The following BMPR2 variants were observed in gnomAD, a reference collection of about 807,000 sequenced individuals.
The protein encoded by BMPR2 is bone morphogenetic protein receptor type-2.
BMPR2 carries 29 observed loss-of-function variants against 100.8 expected under a neutral mutation model. The ratio of observed to expected loss-of-function variants is 0.29; its 90% CI spans 0.21 to 0.39. The LOEUF (loss-of-function observed/expected upper bound fraction) is 0.39. Among genes scored for constraint, BMPR2 ranks in the 10% least tolerant of loss-of-function variants. BMPR2 has a pLI of 1.00. For synonymous variants in BMPR2, 382 were observed against 442.3 expected, an observed-to-expected ratio of 0.86 and a Z score of 1.71; for missense variants, 1,011 against 1,274.5, an observed-to-expected ratio of 0.79 and a Z score of 3.15.
intron 9 of BMPR2, among the ~76,000 whole-genome samples, chr2:202,541,426 C>T (rs1448483380): frequency 6.6e-6 from 1 of 152,042 alleles, no homozygotes; most frequent in Non-Finnish European, 1.5e-5. Context: ...GAGAGCGTTT[C>T]TTTGAAAAAA....
chr2:202,483,468 G>A (rs1000004717), intron 3 of BMPR2, among the ~76,000 whole-genome samples: 1 of 150,078 alleles, frequency 6.7e-6, no homozygotes, highest in African/African-American at 2.5e-5. Context: ...TGCAATCTCC[G>A]CCCCCCACCC....
At chr2:202,536,888 A>T (rs1043725678) in intron 9 of BMPR2, among the ~76,000 whole-genome samples, 1 of 151,614 alleles carries the variant, frequency 6.6e-6, no homozygotes, top group Non-Finnish European at 1.5e-5. Flanking sequence ...AAAAAAAAAA[A>T]AAGAAGTACT....
chr2:202,420,018 A>T (rs1040326022), intron 1 of BMPR2, among the ~76,000 whole-genome samples: 12 of 152,066 alleles, frequency 7.9e-5, no homozygotes, highest in South Asian at 2.1e-4. Flanking sequence ...TTAAAAAATT[A>T]AAAAAATCCC....
At position 202,503,848 on chromosome 2, in the gene BMPR2, A is replaced by T. The variant is rs574068891; in HGVS notation, c.419-9871A>T. ...AGCTGGGCTCCTGAGTCTGGTGGGG[A>T]CATGGAGAACCTTTATGTCTAGCTC... On this transcript the variant is annotated intron_variant, in intron 3 of 12. Transcript: ENST00000374580. This position sits in a 1 kb window ranked among gnomAD's most constrained non-coding sequence, Gnocchi z 4.0. Among the ~76,000 whole-genome samples the T allele has an allele frequency of 3.2e-3, 485 of 152,304 alleles. 2 individuals carry two copies. Among genetic ancestry groups the T allele is most frequent in the African/African-American group, 0.011 (470 of 41,574 alleles).
At position 202,518,896 on chromosome 2, in the gene BMPR2, T is replaced by C; in HGVS notation, c.696T>C (p.Phe232=). 1 of 1,614,214 alleles carries C rather than the reference T, an allele frequency of 6.2e-7. No individual in the cohort carries two copies. The highest frequency in any genetic ancestry group is 1.3e-5 in the African/African-American group (1 of 75,062). The stretch of plus-strand genomic sequence containing the variant: ...AGCGTCCAGTTGCTGTAAAAGTGTT[T>C]TCCTTTGCAAACCGTCAGAATTTTA... The part of the protein sequence containing the change: ...LDERPVAVKV[F]SFANRQNFIN... The change falls in exon 6 of 13, where the codon TTT becomes TTC. Residue 232 remains phenylalanine (F), a synonymous_variant. Coordinates refer to ENST00000374580, the MANE Select transcript of BMPR2 (RefSeq NM_001204.7).
Position 202,512,928 on chromosome 2 carries a change from G to A in BMPR2, c.419-791G>A, listed in dbSNP as rs183056699. ...GATAAGTGTAACTACCATTTATTGCGTAGATAATATATGCTTTTTTAAAAA... is the reference window on the plus strand; with the variant it reads ...GATAAGTGTAACTACCATTTATTGCATAGATAATATATGCTTTTTTAAAAA... On this transcript the variant is annotated intron_variant, in intron 3 of 12. Transcript: ENST00000374580. 6.0e-5 allele frequency among the ~76,000 whole-genome samples: 9 copies of A among 150,710 alleles called. No individual in the cohort carries two copies. The East Asian group carries it at 1.2e-3, about 20-fold the overall frequency.
intron 2 of BMPR2, 37 bp from the exon 3 acceptor site, chr2:202,467,482 A>G: frequency 2.0e-6 from 3 of 1,510,958 alleles, no homozygotes; most frequent in Non-Finnish European, 1.8e-6. Flanking sequence ...TTTCTTTATC[A>G]TATTGTCTCC....
chr2:202,534,150 A>G (rs892644737), intron 9 of BMPR2, among the ~76,000 whole-genome samples: 7 of 150,942 alleles, frequency 4.6e-5, no homozygotes, highest in African/African-American at 7.3e-5. Flanking sequence ...ATTACACATT[A>G]GTTTATATAT....
In BMPR2 at chr2:202,377,531, G is replaced by A. The variant is rs759723251; in HGVS notation, c.57G>A (p.Leu19=). 104 of 1,614,098 alleles carry A rather than the reference G, an allele frequency of 6.4e-5. No individual in the cohort carries two copies. Among genetic ancestry groups the A allele is most frequent in the Non-Finnish European group, 1.1e-5 (13 of 1,180,052 alleles). ...TGCCCTGGCTACCATGGACCATCCT[G>A]CTGGTCAGCACTGCGGCTGGTGAGT... ...WRVPWLPWTI[L]LVSTAAASQN... Residue 19 remains leucine, a synonymous_variant, in exon 1 of 13, where the codon CTG becomes CTA. Coordinates refer to ENST00000374580, the MANE Select transcript of BMPR2 (RefSeq NM_001204.7).
Position 202,388,511 on chromosome 2 carries a change from G to A in BMPR2, c.76+10961G>A, listed in dbSNP as rs7574989. Among the ~76,000 whole-genome samples, 258 of 151,332 alleles carry A rather than the reference G, an allele frequency of 1.7e-3. 2 individuals carry two copies. The highest frequency in any genetic ancestry group is 5.9e-3 in the African/African-American group (242 of 41,262). On this transcript the variant is annotated intron_variant, in intron 1 of 12. Transcript: ENST00000374580. ...CTTTTAAAAGCAAGATACGCCGGGT[G>A]CAGTGGCTCACACCTTTAATCCCAG...
At chr2:202,520,380 C>T (rs185289257) in intron 7 of BMPR2, 179 bp downstream of exon 7, 125 of 629,002 alleles carry the variant, frequency 2.0e-4, no homozygotes, top group Admixed American at 9.9e-4. Flanking sequence ...AGCTTTCCCA[C>T]GCAGCTGCCA....
chr2:202,483,039 A>AT lies in BMPR2; in HGVS notation c.418+15358dup, dbSNP rs938632989. ...CTTCACCTTCTTGCCGTCACTTGTT[A>AT]TTTTTTTTAAATAGTCGCTGTCCTA... On this transcript the variant is annotated intron_variant, in intron 3 of 12. Transcript: ENST00000374580. Among the ~76,000 whole-genome samples, 251 of 151,922 alleles carry AT rather than the reference A, an allele frequency of 1.7e-3. 1 individual carries two copies. The highest frequency in any genetic ancestry group is 5.6e-3 in the African/African-American group (233 of 41,420).
intron 1 of BMPR2, among the ~76,000 whole-genome samples, chr2:202,402,070 C>T (rs920407221): frequency 2.0e-5 from 3 of 152,214 alleles, no homozygotes; most frequent in Non-Finnish European, 4.4e-5. Context: ...GAATTATAGC[C>T]AGACATTCAG....
At chr2:202,473,626 C>T (rs1487920235) in intron 3 of BMPR2, among the ~76,000 whole-genome samples, 1 of 151,586 alleles carries the variant, frequency 6.6e-6, no homozygotes, top group Non-Finnish European at 1.5e-5. Flanking sequence ...CCTGTCTCTA[C>T]TAAAAATAGA....
chr2:202,484,622 G>T (rs534166560), intron 3 of BMPR2, among the ~76,000 whole-genome samples: 1 of 150,528 alleles, frequency 6.6e-6, no homozygotes, highest in Non-Finnish European at 1.5e-5. Context: ...GCAGTGAGCC[G>T]AGATCGCGCC....
At chr2:202,498,533 CACA>C (rs1286479178) in intron 3 of BMPR2, among the ~76,000 whole-genome samples, 2 of 150,834 alleles carry the variant, frequency 1.3e-5, no homozygotes, top group East Asian at 3.9e-4. Flanking sequence ...CGTCGGTGAG[CACA>C]ACTATTCCGA....
intron 12 of BMPR2, among the ~76,000 whole-genome samples, chr2:202,558,332 G>A (rs536787456): frequency 8.0e-5 from 12 of 150,214 alleles, no homozygotes; most frequent in Non-Finnish European, 1.3e-4. Context: ...GGCTGGTCTC[G>A]AACACTGGAC....
At chr2:202,500,334 A>G (rs563212451) in intron 3 of BMPR2, among the ~76,000 whole-genome samples, 1 of 152,300 alleles carries the variant, frequency 6.6e-6, no homozygotes, top group East Asian at 1.9e-4. Flanking sequence ...CTCTTTTCAC[A>G]TGCCTTTCTT....
At chr2:202,451,770 A>T (rs1691991154) in intron 1 of BMPR2, among the ~76,000 whole-genome samples, 1 of 152,068 alleles carries the variant, frequency 6.6e-6, no homozygotes. Context: ...TGTTTTTGAG[A>T]CAGAGTTTCA....
Sources: gnomAD v4.1 joint callset for allele counts (sites outside exome capture counted in the v4.1 genomes callset) on GRCh38, gnomAD v4.1.1 for gene constraint, Gnocchi (gnomAD v3.1) non-coding constraint, MANE v1.5 for transcripts, NCBI Gene and HGNC (gene_info 2026-07-23, HGNC 2026-07-21) for gene names.